CCDC91: variants seen among roughly 807,000 people sequenced by gnomAD.
The protein encoded by CCDC91 is coiled-coil domain containing 91.
In CCDC91, 48 loss-of-function variants were observed where a neutral mutation model predicts 63.2. The observed-to-expected ratio is 0.76, with a 90% confidence interval of 0.60 to 0.97. The LOEUF (loss-of-function observed/expected upper bound fraction) is 0.97. Ranked by LOEUF, CCDC91 falls within the 50% of genes least tolerant of loss-of-function variation. CCDC91 has a pLI of 0.00. For synonymous variants in CCDC91, 167 were observed against 165.8 expected (o/e 1.01, Z -0.06); for missense variants, 500 against 494.6 (o/e 1.01, Z -0.10).
chr12:28,290,253 A>G (rs1949160312), intron 3 of CCDC91, among the ~76,000 whole-genome samples: 1 of 152,088 alleles, frequency 6.6e-6, no homozygotes, highest in Admixed American at 6.5e-5. Flanking sequence ...GCTATTATAT[A>G]ATGCTCTTAC....
rs147574596 is a variant in CCDC91, at chr12:28,222,636, A to C, written c.-15+31995A>C. On this transcript the variant is annotated intron_variant, in intron 1 of 12. Transcript: ENST00000536442. ...TACCATAGAATGAATTTTGGTGTAC[A>C]AATTTTATGTTTGGTTAGTTAGAGA... Among the ~76,000 whole-genome samples, 76 of 152,320 alleles carry C rather than the reference A, an allele frequency of 5.0e-4. 1 individual carries two copies. Among genetic ancestry groups the C allele is most frequent in the African/African-American group, 1.8e-3 (74 of 41,568 alleles).
At chr12:28,449,924 A>C (rs1437110109) in intron 8 of CCDC91, among the ~76,000 whole-genome samples, 1 of 151,896 alleles carries the variant, frequency 6.6e-6, no homozygotes, top group Admixed American at 6.6e-5. Flanking sequence ...GTTGTTCTTA[A>C]GTTAGATTTC....
At chr12:28,275,932 G>A (rs915905254) in intron 3 of CCDC91, among the ~76,000 whole-genome samples, 14 of 151,908 alleles carry the variant, frequency 9.2e-5, no homozygotes, top group Admixed American at 9.2e-4. Flanking sequence ...CCCTTCATGC[G>A]AAAAACTCTC....
intron 12 of CCDC91, among the ~76,000 whole-genome samples, chr12:28,511,282 G>C (rs768266458): frequency 2.0e-5 from 3 of 151,794 alleles, no homozygotes; most frequent in Non-Finnish European, 4.4e-5. Flanking sequence ...CCATACAGCA[G>C]CTAAATTCCC....
rs1370743400 is a variant in CCDC91 at position 28,447,809 on chromosome 12, A to AG, written c.763-2349dup. On this transcript the variant is annotated intron_variant, in intron 8 of 12. Transcript: ENST00000536442. Reference sequence around the variant, plus strand: ...AGGGGAGGGGAGGGGAGGGGAGGGGAGGGAGGGGAAGGGAGGGGAGGGGAG... The same window carrying AG: ...AGGGGAGGGGAGGGGAGGGGAGGGGAGGGGAGGGGAAGGGAGGGGAGGGGAG... 2.6e-3 allele frequency among the ~76,000 whole-genome samples: 12 copies of AG among 4,656 alleles called. 1 individual carries two copies. Among genetic ancestry groups the AG allele is most frequent in the Admixed American group, 3.6e-3 (1 of 276 alleles). 3.1% of individuals were successfully genotyped at this position (4,656 alleles called of 152,430 possible). A position where few individuals can be genotyped will look rare whatever the true frequency, so the allele number is the denominator to read the frequency against.
At chr12:28,432,644 C>T (rs559109601) in intron 8 of CCDC91, among the ~76,000 whole-genome samples, 1 of 152,176 alleles carries the variant, frequency 6.6e-6, no homozygotes, top group East Asian at 1.9e-4. Context: ...ATCGTGGTTG[C>T]TGCCAAGTTT....
intron 3 of CCDC91, among the ~76,000 whole-genome samples, chr12:28,286,510 C>T (rs945240294): frequency 1.3e-5 from 2 of 152,162 alleles, no homozygotes; most frequent in Non-Finnish European, 2.9e-5. Flanking sequence ...TGGATTTTAG[C>T]TCCATCCATG....
chr12:28,386,951 A>T (rs2139200061), intron 7 of CCDC91, among the ~76,000 whole-genome samples: 1 of 152,226 alleles, frequency 6.6e-6, no homozygotes, highest in African/African-American at 2.4e-5. Context: ...ATCTTTTTTT[A>T]ATGTTGTAGA....
chr12:28,311,895 A>G (rs1425276445), intron 6 of CCDC91, among the ~76,000 whole-genome samples: 1 of 151,982 alleles, frequency 6.6e-6, no homozygotes, highest in African/African-American at 2.4e-5. Flanking sequence ...AGTTTGGGAT[A>G]TATGAGGCTA....
At chr12:28,214,318 A>G (rs1943423040) in intron 1 of CCDC91, among the ~76,000 whole-genome samples, 1 of 152,124 alleles carries the variant, frequency 6.6e-6, no homozygotes, top group East Asian at 1.9e-4. Context: ...TGTCTGGAAT[A>G]CAGGGTATCC....
intron 6 of CCDC91, among the ~76,000 whole-genome samples, chr12:28,317,926 A>C (rs1940071246): frequency 6.6e-6 from 1 of 151,986 alleles, no homozygotes; most frequent in Non-Finnish European, 1.5e-5. Flanking sequence ...TCACTAAAGT[A>C]TTGATTTATA....
intron 12 of CCDC91, among the ~76,000 whole-genome samples, chr12:28,534,482 C>T (rs1343921041): frequency 6.6e-6 from 1 of 152,104 alleles, no homozygotes; most frequent in Admixed American, 6.6e-5. Context: ...TCTTTGCTTC[C>T]TGGGATTTTG....
intron 6 of CCDC91, among the ~76,000 whole-genome samples, chr12:28,319,967 A>T (rs1423500046): frequency 6.6e-6 from 1 of 151,778 alleles, no homozygotes; most frequent in African/African-American, 2.4e-5. Context: ...TTACTCATTT[A>T]TTATTGTGAG....
intron 8 of CCDC91, among the ~76,000 whole-genome samples, chr12:28,442,357 G>A (rs138108104): frequency 1.3e-4 from 20 of 152,136 alleles, no homozygotes; most frequent in South Asian, 1.0e-3. Flanking sequence ...GAGTTTAGAC[G>A]TTATACAATA....
intron 10 of CCDC91, among the ~76,000 whole-genome samples, chr12:28,451,881 G>A (rs1461277009): frequency 1.3e-5 from 2 of 151,550 alleles, no homozygotes; most frequent in African/African-American, 4.8e-5. Flanking sequence ...ATCTGTGTGA[G>A]ACTGGGTTTT....
chr12:28,297,559 C>A (rs777344358), intron 3 of CCDC91, among the ~76,000 whole-genome samples: 1 of 151,792 alleles, frequency 6.6e-6, no homozygotes, highest in African/African-American at 2.4e-5. Context: ...TAAAATAAAG[C>A]AAATTGTATC....
chr12:28,406,028 A>G (rs556747628), intron 8 of CCDC91, among the ~76,000 whole-genome samples: 1 of 152,128 alleles, frequency 6.6e-6, no homozygotes, highest in Non-Finnish European at 1.5e-5. Context: ...CAATCAGGTA[A>G]TTAGCTCATT....
intron 3 of CCDC91, among the ~76,000 whole-genome samples, chr12:28,282,600 A>T (rs1217655724): frequency 1.3e-5 from 2 of 152,076 alleles, no homozygotes; most frequent in Non-Finnish European, 2.9e-5. Flanking sequence ...TGATATAATG[A>T]TTCCTTTTCA....
intron 12 of CCDC91, among the ~76,000 whole-genome samples, chr12:28,519,885 C>T (rs1940414660): frequency 6.6e-6 from 1 of 152,024 alleles, no homozygotes; most frequent in African/African-American, 2.4e-5. Flanking sequence ...CATGTCCCAA[C>T]AAAGGACATG....
Sources: gnomAD v4.1 joint callset for allele counts (sites outside exome capture counted in the v4.1 genomes callset) on GRCh38, gnomAD v4.1.1 for gene constraint, MANE v1.5 for transcripts, NCBI Gene and HGNC (gene_info 2026-07-23, HGNC 2026-07-21) for gene names.